The following CAAP1 variants were observed in gnomAD, a reference collection of about 807,000 sequenced individuals.
CAAP1 encodes conserved anti-apoptotic protein.
CAAP1 carries 20 observed loss-of-function variants against 34.0 expected under a neutral mutation model. The observed-to-expected ratio is 0.59, with a 90% CI of 0.41 to 0.86. The LOEUF (loss-of-function observed/expected upper bound fraction) is 0.86, where lower values mean the gene tolerates loss of function less well. Ranked by LOEUF, CAAP1 falls within the 40% of genes least tolerant of loss-of-function variation. The pLI is 0.00. For synonymous variants in CAAP1, 213 were observed against 166.7 expected, an observed-to-expected ratio of 1.28 and a Z score of -2.14; for missense variants, 538 against 450.5, an observed-to-expected ratio of 1.19 and a Z score of -1.76.
In CAAP1 at chr9:26,862,518, T is replaced by C. The variant is rs115961885; in HGVS notation, c.666-1379A>G. ...ACACAACATCATTTATATAATATTCTAGCTGAGAATATATAACCTGTATTA... is the reference window on the plus strand; with the variant it reads ...ACACAACATCATTTATATAATATTCCAGCTGAGAATATATAACCTGTATTA... On this transcript the variant is annotated intron_variant, in intron 4 of 5. Transcript: ENST00000333916. 2.8e-3 allele frequency among the ~76,000 whole-genome samples: 420 copies of C among 152,258 alleles called. 1 individual carries two copies. Among genetic ancestry groups the C allele is most frequent in the African/African-American group, 9.5e-3 (396 of 41,566 alleles).
intron 4 of CAAP1, among the ~76,000 whole-genome samples, chr9:26,864,474 A>G (rs1823081819): frequency 6.6e-6 from 1 of 151,408 alleles, no homozygotes; most frequent in African/African-American, 2.5e-5. Context: ...ATTTAATCCT[A>G]CACCTGCTGA....
chr9:26,865,505 C>T (rs903483273), intron 4 of CAAP1, among the ~76,000 whole-genome samples: 3 of 147,980 alleles, frequency 2.0e-5, no homozygotes, highest in African/African-American at 7.5e-5. Context: ...GCCTGGGCAA[C>T]AAGAGAGAAA....
intron 1 of CAAP1, among the ~76,000 whole-genome samples, chr9:26,891,750 G>A (rs971217148): frequency 1.3e-5 from 2 of 152,214 alleles, no homozygotes; most frequent in African/African-American, 4.8e-5. Context: ...CTCACGAGGA[G>A]TGATTAAAAG....
chr9:26,885,488 T>C (rs1316520460), intron 3 of CAAP1, among the ~76,000 whole-genome samples: 1 of 152,166 alleles, frequency 6.6e-6, no homozygotes, highest in Non-Finnish European at 1.5e-5. Flanking sequence ...CAAAATGCCA[T>C]CAATTTTACA....
At chr9:26,843,387 T>C (rs1022379360) in intron 5 of CAAP1, among the ~76,000 whole-genome samples, 2 of 152,220 alleles carry the variant, frequency 1.3e-5, no homozygotes, top group Admixed American at 6.5e-5. Context: ...ATTCCAGGCA[T>C]CATTTGCAAC....
intron 4 of CAAP1, among the ~76,000 whole-genome samples, chr9:26,866,202 CTG>C (rs1823134269): frequency 6.6e-6 from 1 of 152,018 alleles, no homozygotes; most frequent in African/African-American, 2.4e-5. Context: ...TAATAAGAGA[CTG>C]TTTATGTTCT....
intron 5 of CAAP1, among the ~76,000 whole-genome samples, chr9:26,846,034 T>C (rs950309649): frequency 7.9e-5 from 12 of 152,194 alleles, no homozygotes; most frequent in Non-Finnish European, 4.4e-5. Flanking sequence ...AGGAGTTCAG[T>C]TGGCTTAATT....
chr9:26,886,312 G>A (rs1823737104), intron 2 of CAAP1, 124 bp from the exon 3 acceptor site: 1 of 424,248 alleles, frequency 2.4e-6, no homozygotes, highest in East Asian at 3.7e-5. Context: ...AAAGCCTCAA[G>A]TAGATTCACA....
chr9:26,845,829 T>C (rs553350970), intron 5 of CAAP1, among the ~76,000 whole-genome samples: 1 of 152,352 alleles, frequency 6.6e-6, no homozygotes, highest in South Asian at 2.1e-4. Flanking sequence ...TTCTGATCCC[T>C]GAATTTTATT....
At chr9:26,850,967 C>T (rs1177928838) in intron 5 of CAAP1, among the ~76,000 whole-genome samples, 2 of 152,150 alleles carry the variant, frequency 1.3e-5, no homozygotes, top group Admixed American at 6.5e-5. Flanking sequence ...ACATGAATAT[C>T]CACCAGCCTG....
chr9:26,842,370 T>C lies in CAAP1; in HGVS notation c.1017A>G (p.Leu339=). 2.5e-6 allele frequency: 4 copies of C among 1,614,088 alleles called. No individual in the cohort carries two copies. Among genetic ancestry groups the C allele is most frequent in the Non-Finnish European group, 3.4e-6 (4 of 1,179,992 alleles). ...TCGCTCTTGCCCTCATCTCAAGTTC[T>C]AGCAGCTCCAGTTGCTGTGCAGAAG... ...VQPSAQQLEL[L]ELEMRARAIK... Residue 339 remains leucine (L), a synonymous_variant, in exon 6 of 6, where the codon CTA becomes CTG. Coordinates refer to ENST00000333916, the MANE Select transcript of CAAP1 (RefSeq NM_024828.4).
intron 4 of CAAP1, among the ~76,000 whole-genome samples, chr9:26,869,628 C>G (rs1001675287): frequency 2.0e-5 from 3 of 152,136 alleles, no homozygotes; most frequent in Non-Finnish European, 4.4e-5. Context: ...ACAATCTAAT[C>G]AATTAATCTT....
chr9:26,875,114 CTAAT>C (rs1823394708), intron 4 of CAAP1, among the ~76,000 whole-genome samples: 2 of 152,096 alleles, frequency 1.3e-5, no homozygotes, highest in African/African-American at 4.8e-5. Context: ...ATGTCTCTTT[CTAAT>C]TAAAACTATA....
chr9:26,849,752 G>C (rs1001423282), intron 5 of CAAP1, among the ~76,000 whole-genome samples: 3 of 151,644 alleles, frequency 2.0e-5, no homozygotes, highest in East Asian at 1.9e-4. Flanking sequence ...CAGTGCCTTT[G>C]TAGAACCCAA....
chr9:26,863,249 A>G lies in CAAP1; in HGVS notation c.666-2110T>C, dbSNP rs573686549. Among the ~76,000 whole-genome samples, 31 of 152,282 alleles carry G rather than the reference A, an allele frequency of 2.0e-4. No homozygotes were observed. The East Asian group carries it at 5.0e-3, about 25-fold the overall frequency. ...GTTCTATTAGGCTGTTGAAGTCGCC[A>G]AACAGAATTTCAGACAGTAAGTATT... On this transcript the variant is annotated intron_variant, in intron 4 of 5. Coordinates refer to ENST00000333916, the MANE Select transcript of CAAP1 (RefSeq NM_024828.4).
chr9:26,868,629 T>C (rs555528945), intron 4 of CAAP1, among the ~76,000 whole-genome samples: 2 of 152,310 alleles, frequency 1.3e-5, no homozygotes, highest in Admixed American at 6.5e-5. Context: ...CTAACACACT[T>C]ATAATTTTAA....
In CAAP1 at chr9:26,841,774, A is replaced by C. The variant is rs1822485591; in HGVS notation, c.*527T>G. 1 of 152,576 alleles carries C rather than the reference A, an allele frequency of 6.6e-6. No individual in the cohort carries two copies. The highest frequency in any genetic ancestry group is 2.4e-5 in the African/African-American group (1 of 41,462). 9.5% of individuals were successfully genotyped at this position (152,576 alleles called of 1,614,324 possible). A position where few individuals can be genotyped will look rare whatever the true frequency, so the allele number is the denominator to read the frequency against. On this transcript the variant is annotated 3_prime_UTR_variant, in exon 6 of 6. Transcript: ENST00000333916. ...TTCCTTTAATAAAAAAGTTTTTCTC[A>C]GTCATTTCAGATCTCTGTTATTCGG...
At chr9:26,865,995 T>C (rs925431564) in intron 4 of CAAP1, among the ~76,000 whole-genome samples, 3 of 152,026 alleles carry the variant, frequency 2.0e-5, no homozygotes, top group Admixed American at 6.5e-5. Flanking sequence ...TACAGACACA[T>C]ACCACTATAC....
chr9:26,861,109 G>A lies in CAAP1; in HGVS notation c.696C>T (p.Ser232=), dbSNP rs749407972. Residue 232 remains serine, a synonymous_variant, in exon 5 of 6, where the codon TCC becomes TCT. Coordinates refer to ENST00000333916, the MANE Select transcript of CAAP1 (RefSeq NM_024828.4). ...CTTCAGGTTGCTTATTCTCTCTCAC[G>A]GATGAAGCAGAATCTATACAGATGT... ...QQDICIDSAS[S]VRENKQPEGL... is the part of the protein sequence containing the mutation. The A allele has an allele frequency of 6.5e-5, 105 of 1,610,932 alleles. 1 individual carries two copies. In the Middle Eastern group the frequency reaches 1.5e-3, roughly 23 times the overall value.
Sources: gnomAD v4.1 joint callset for allele counts (sites outside exome capture counted in the v4.1 genomes callset) on GRCh38, gnomAD v4.1.1 for gene constraint, MANE v1.5 for transcripts, NCBI Gene and HGNC (gene_info 2026-07-23, HGNC 2026-07-21) for gene names.